SPTLC1: variants seen among roughly 807,000 people sequenced by gnomAD.
The protein encoded by SPTLC1 is serine palmitoyltransferase long chain base subunit 1, also known as serine palmitoyltransferase 1.
Under a neutral mutation model 68.9 loss-of-function variants are expected in SPTLC1, and 55 were observed. That is an observed-to-expected ratio of 0.80 (90% CI 0.64 to 1.00). SPTLC1 has a LOEUF of 1.00. SPTLC1 is among the 50% of genes least tolerant of loss of function. The pLI is 0.00. For missense variants in SPTLC1, 449 were observed against 573.1 expected (o/e 0.78, Z 2.21); for synonymous variants, 197 against 201.6 (o/e 0.98, Z 0.19).
rs1835902885 is a variant in SPTLC1, at chr9:92,104,984, C to G, written c.260+3756G>C. 8.5e-6 allele frequency: 13 copies of G among 1,530,572 alleles called. No homozygotes were observed. In the South Asian group the frequency reaches 1.5e-4, roughly 18 times the overall value. The allele number at this position is 1,530,572 out of a possible 1,614,324, so 94.8% of individuals were successfully genotyped here. The stretch of plus-strand genomic sequence containing the variant: ...GAAGCCTGACCCACTTCCAACAGTG[C>G]TCCCTGCCCCAGTTCCGGGCTGCTC... On this transcript the variant is annotated intron_variant, in intron 3 of 14. Coordinates refer to ENST00000262554, the MANE Select transcript of SPTLC1 (RefSeq NM_006415.4).
intron 3 of SPTLC1, among the ~76,000 whole-genome samples, chr9:92,098,742 C>CT (rs1835636067): frequency 6.6e-6 from 1 of 152,004 alleles, no homozygotes; most frequent in Non-Finnish European, 1.5e-5. Flanking sequence ...TCTCTGAAAT[C>CT]TATCTATAAT....
chr9:92,079,137 A>AT (rs1834786256), intron 5 of SPTLC1: 1 of 493,756 alleles, frequency 2.0e-6, no homozygotes, highest in South Asian at 6.1e-5. Context: ...GTGCAGTGGC[A>AT]TGATCTCGGC....
intron 3 of SPTLC1, among the ~76,000 whole-genome samples, chr9:92,086,309 C>T (rs1835127956): frequency 2.0e-5 from 3 of 151,964 alleles, no homozygotes. Flanking sequence ...TTATTTTGCT[C>T]GTTAGTTGAT....
At chr9:92,098,657 C>G (rs1835630124) in intron 3 of SPTLC1, among the ~76,000 whole-genome samples, 1 of 151,338 alleles carries the variant, frequency 6.6e-6, no homozygotes, top group Admixed American at 6.6e-5. Context: ...ACAATCAGTA[C>G]AGTGCAAAAG....
chr9:92,076,534 C>G (rs1329646248), intron 5 of SPTLC1, among the ~76,000 whole-genome samples: 1 of 152,172 alleles, frequency 6.6e-6, no homozygotes, highest in African/African-American at 2.4e-5. Flanking sequence ...CTCAAGCTTA[C>G]TCTATCCTCT....
intron 3 of SPTLC1, among the ~76,000 whole-genome samples, chr9:92,087,962 CT>C (rs1217140650): frequency 6.6e-6 from 1 of 152,262 alleles, no homozygotes; most frequent in East Asian, 1.9e-4. Context: ...GGGCGCCCCT[CT>C]CCCGGCCTCG....
intron 12 of SPTLC1, among the ~76,000 whole-genome samples, chr9:92,040,115 A>C (rs1833289362): frequency 6.6e-6 from 1 of 152,118 alleles, no homozygotes; most frequent in African/African-American, 2.4e-5. Flanking sequence ...CACGCCTGTA[A>C]TCCCAGCACT....
intron 6 of SPTLC1, among the ~76,000 whole-genome samples, chr9:92,067,403 C>T (rs1352101562): frequency 6.6e-6 from 1 of 152,204 alleles, no homozygotes; most frequent in Admixed American, 6.5e-5. Flanking sequence ...GCAGCAGATG[C>T]TTCTGACTGG....
At chr9:92,104,608 A>T (rs375226881) in intron 3 of SPTLC1, 33 of 1,476,766 alleles carry the variant, frequency 2.2e-5, no homozygotes, top group East Asian at 1.5e-4. Context: ...AACTTCCTTC[A>T]TTAGATGAGC....
intron 3 of SPTLC1, chr9:92,104,374 C>T (rs868521165): frequency 1.3e-5 from 18 of 1,400,028 alleles, no homozygotes; most frequent in East Asian, 5.1e-5. Context: ...CCTCTTCAAC[C>T]GTCAGCGACA....
chr9:92,035,947 A>T (rs1458208727), intron 13 of SPTLC1, among the ~76,000 whole-genome samples: 1 of 152,236 alleles, frequency 6.6e-6, no homozygotes, highest in East Asian at 1.9e-4. Context: ...CAGTTTGTAA[A>T]AACAGTGTCC....
At chr9:92,067,942 G>A (rs1834350571) in intron 6 of SPTLC1, 24 bp downstream of exon 6, 1 of 1,611,878 alleles carries the variant, frequency 6.2e-7, no homozygotes, top group Admixed American at 1.7e-5. Flanking sequence ...ACTGCTATTA[G>A]AAAACTACGT....
At chr9:92,104,743 T>C (rs1290097379) in intron 3 of SPTLC1, 3 of 1,533,022 alleles carry the variant, frequency 2.0e-6, no homozygotes, top group Non-Finnish European at 2.6e-6. Context: ...CCTGTAGCAA[T>C]GGGGAAGCAG....
intron 7 of SPTLC1, 142 bp from the exon 8 acceptor site, chr9:92,055,636 GGGTTATT>G (rs1219663623): frequency 1.2e-6 from 1 of 853,448 alleles, no homozygotes; most frequent in African/African-American, 1.7e-5. Flanking sequence ...TGTTTGTGAT[GGGTTATT>G]TTGAGATGAA....
intron 5 of SPTLC1, chr9:92,079,409 A>G: frequency 6.6e-7 from 1 of 1,519,946 alleles, no homozygotes; most frequent in Non-Finnish European, 8.8e-7. Context: ...TCAGGAGCAA[A>G]GAATATACAC....
chr9:92,108,110 C>T (rs928275167), intron 3 of SPTLC1: 6 of 152,300 alleles, frequency 3.9e-5, no homozygotes, highest in African/African-American at 1.4e-4. Flanking sequence ...AAAATGTTAA[C>T]ACCAATTAAT....
At chr9:92,086,776 C>T (rs1339011377) in intron 3 of SPTLC1, among the ~76,000 whole-genome samples, 1 of 152,226 alleles carries the variant, frequency 6.6e-6, no homozygotes, top group South Asian at 2.1e-4. Context: ...TTTCCTGAAT[C>T]TGAATGTTGG....
chr9:92,055,293 G>A, intron 8 of SPTLC1, 112 bp downstream of exon 8: 1 of 1,548,442 alleles, frequency 6.5e-7, no homozygotes, highest in Non-Finnish European at 8.7e-7. Flanking sequence ...ATGCTTATGA[G>A]GCCTAATGCG....
At chr9:92,083,228 G>A (rs2118697679) in intron 3 of SPTLC1, among the ~76,000 whole-genome samples, 1 of 152,266 alleles carries the variant, frequency 6.6e-6, no homozygotes, top group Admixed American at 6.5e-5. Context: ...TTGCTGTGCA[G>A]AAGCTCTTTA....
Sources: allele counts gnomAD v4.1 joint callset (sites outside exome capture counted in the v4.1 genomes callset), GRCh38; gene constraint gnomAD v4.1.1; transcripts MANE v1.5; gene names NCBI Gene and HGNC (gene_info 2026-07-23, HGNC 2026-07-21).